MEGF11: variants seen among roughly 807,000 people sequenced by gnomAD.
The protein encoded by MEGF11 is multiple epidermal growth factor-like domains protein 11.
MEGF11 carries 126 observed loss-of-function variants against 146.6 expected under a neutral mutation model. The ratio of observed to expected loss-of-function variants is 0.86; its 90% confidence interval spans 0.74 to 1.00. MEGF11 has a LOEUF of 1.00. MEGF11 is among the 50% of genes least tolerant of loss of function. The pLI is 0.00. For synonymous variants in MEGF11, 532 were observed against 583.4 expected (o/e 0.91, Z 1.27); for missense variants, 1,509 against 1,521.2 (o/e 0.99, Z 0.13).
intron 7 of MEGF11, among the ~76,000 whole-genome samples, chr15:65,972,575 G>A (rs1466601795): frequency 1.3e-4 from 19 of 151,884 alleles, no homozygotes; most frequent in Non-Finnish European, 1.0e-4. Context: ...AATACAAAGA[G>A]GAAAACAAAC....
intron 1 of MEGF11, among the ~76,000 whole-genome samples, chr15:66,232,373 C>A (rs1051449062): frequency 6.6e-6 from 1 of 152,226 alleles, no homozygotes; most frequent in African/African-American, 2.4e-5. Flanking sequence ...CGGCCCCAGT[C>A]AAGGCAGACA....
intron 25 of MEGF11, chr15:65,898,350 G>T: frequency 1.0e-6 from 1 of 985,354 alleles, no homozygotes; most frequent in Non-Finnish European, 1.2e-6. Context: ...TGAGCCCAGG[G>T]ACATAAACTG....
intron 4 of MEGF11, among the ~76,000 whole-genome samples, chr15:66,105,974 C>T (rs1439382772): frequency 6.6e-6 from 1 of 152,156 alleles, no homozygotes; most frequent in Non-Finnish European, 1.5e-5. Context: ...ATAAAGGCAA[C>T]CAGAGGGGCA....
At chr15:66,081,735 C>T (rs1253928626) in intron 5 of MEGF11, among the ~76,000 whole-genome samples, 2 of 152,156 alleles carry the variant, frequency 1.3e-5, no homozygotes, top group Non-Finnish European at 2.9e-5. Flanking sequence ...GACCAGGGTC[C>T]CCCAGGGAAG....
chr15:66,156,027 T>C (rs1226517545), intron 1 of MEGF11, among the ~76,000 whole-genome samples: 1 of 152,076 alleles, frequency 6.6e-6, no homozygotes, highest in Non-Finnish European at 1.5e-5. Context: ...GCTGAGTTGG[T>C]CTTCAGGGAA....
In MEGF11 at chr15:66,022,007, C is replaced by T. The variant is rs148196939; in HGVS notation, c.395-39519G>A. Among the ~76,000 whole-genome samples the T allele has an allele frequency of 1.2e-3, 181 of 152,158 alleles. 1 individual carries two copies. Among genetic ancestry groups the T allele is most frequent in the African/African-American group, 4.0e-3 (167 of 41,490 alleles). On this transcript the variant is annotated intron_variant, in intron 5 of 25. Coordinates refer to ENST00000395614, the MANE Select transcript of MEGF11 (RefSeq NM_001385028.1). ...GCCATGTGATGCCTCTTGGGTCAGGCGGGATTAAGGGCATGGGGGTGATGA... is the reference window on the plus strand; with the variant it reads ...GCCATGTGATGCCTCTTGGGTCAGGTGGGATTAAGGGCATGGGGGTGATGA...
intron 4 of MEGF11, among the ~76,000 whole-genome samples, chr15:66,116,182 GAAGCAGGTGGCAGCATT>G (rs2087720027): frequency 1.3e-5 from 2 of 152,162 alleles, no homozygotes; most frequent in Non-Finnish European, 2.9e-5. Flanking sequence ...AAGGCCCCGT[GAAGCAGGTGGCAGCATT>G]CTCTCCTGCC....
chr15:66,155,433 G>A (rs960510514), intron 1 of MEGF11, among the ~76,000 whole-genome samples: 2 of 152,074 alleles, frequency 1.3e-5, no homozygotes, highest in African/African-American at 4.8e-5. Flanking sequence ...TTTAGGATGG[G>A]GTGCACACAG....
intron 1 of MEGF11, among the ~76,000 whole-genome samples, chr15:66,239,593 A>G (rs12324491): frequency 0.31 from 47,783 of 152,054 alleles, 7,745 homozygotes; most frequent in Middle Eastern, 0.42. Flanking sequence ...GGCCACCACT[A>G]CCAGTGGTCT....
intron 16 of MEGF11, among the ~76,000 whole-genome samples, chr15:65,917,485 T>C (rs184374467): frequency 6.6e-6 from 1 of 152,236 alleles, no homozygotes; most frequent in Non-Finnish European, 1.5e-5. Context: ...TGTCCTTAGT[T>C]TGGGGGCTTC....
intron 4 of MEGF11, among the ~76,000 whole-genome samples, chr15:66,115,837 A>C (rs552029362): frequency 5.9e-5 from 9 of 152,332 alleles, no homozygotes; most frequent in African/African-American, 2.2e-4. Flanking sequence ...TGCAGCCAGG[A>C]AACTACCAGA....
chr15:65,919,343 C>G (rs539790064), intron 15 of MEGF11, among the ~76,000 whole-genome samples: 1 of 152,346 alleles, frequency 6.6e-6, no homozygotes, highest in African/African-American at 2.4e-5. Context: ...TTCACAAATA[C>G]AGGCATACCT....
Position 65,980,273 on chromosome 15 carries a change from C to T in MEGF11, c.762+505G>A, listed in dbSNP as rs150390071. On this transcript the variant is annotated intron_variant, in intron 7 of 25. Transcript: ENST00000395614. ...GGTGAGTAACTTGCTTCAGACCACA[C>T]AGCACTTAGAGATGGCAGACCTGGG... Among the ~76,000 whole-genome samples the T allele has an allele frequency of 3.3e-5, 5 of 152,234 alleles. No individual in the cohort carries two copies. In the East Asian group the frequency reaches 9.6e-4, roughly 29 times the overall value.
intron 5 of MEGF11, among the ~76,000 whole-genome samples, chr15:66,043,023 C>T (rs760281813): frequency 1.3e-5 from 2 of 152,256 alleles, no homozygotes; most frequent in African/African-American, 2.4e-5. Flanking sequence ...CTCAATCCTT[C>T]CGAATCAGGG....
chr15:65,980,272 A>G (rs2081586573), intron 7 of MEGF11, among the ~76,000 whole-genome samples: 1 of 152,210 alleles, frequency 6.6e-6, no homozygotes, highest in Non-Finnish European at 1.5e-5. Flanking sequence ...TTCAGACCAC[A>G]CAGCACTTAG....
At chr15:66,193,771 C>T (rs1427498703) in intron 1 of MEGF11, among the ~76,000 whole-genome samples, 3 of 151,450 alleles carry the variant, frequency 2.0e-5, no homozygotes, top group South Asian at 2.1e-4. Context: ...CTCAGGCTGC[C>T]GAGCAAACTA....
chr15:65,920,236 C>T (rs1022011332), intron 15 of MEGF11, among the ~76,000 whole-genome samples: 1 of 152,230 alleles, frequency 6.6e-6, no homozygotes, highest in African/African-American at 2.4e-5. Context: ...CTGTGGCAGG[C>T]TGGCTGATTT....
chr15:66,125,804 C>T (rs185421495), intron 2 of MEGF11, among the ~76,000 whole-genome samples: 3 of 152,300 alleles, frequency 2.0e-5, no homozygotes, highest in Admixed American at 1.3e-4. Context: ...AGAATGGATT[C>T]CCCACCTTTG....
At chr15:65,947,355 G>T (rs930329154) in intron 10 of MEGF11, among the ~76,000 whole-genome samples, 6 of 149,950 alleles carry the variant, frequency 4.0e-5, no homozygotes, top group Non-Finnish European at 8.8e-5. Flanking sequence ...CAGATTTTGT[G>T]GGGGGACTAG....
Sources: allele counts gnomAD v4.1 joint callset (sites outside exome capture counted in the v4.1 genomes callset), GRCh38; gene constraint gnomAD v4.1.1; transcripts MANE v1.5; gene names NCBI Gene and HGNC (gene_info 2026-07-23, HGNC 2026-07-21).